The following ATF7IP2 variants were observed in gnomAD, a reference collection of about 807,000 sequenced individuals.
The protein encoded by ATF7IP2 is activating transcription factor 7-interacting protein 2.
Under a neutral mutation model 64.2 loss-of-function variants are expected in ATF7IP2, and 42 were observed. That is an observed-to-expected ratio of 0.65 (90% CI 0.51 to 0.85). The LOEUF (loss-of-function observed/expected upper bound fraction) is 0.85. Ranked by LOEUF, ATF7IP2 falls within the 40% of genes least tolerant of loss-of-function variation. The pLI is 0.00. For missense variants in ATF7IP2, 933 were observed against 784.2 expected (o/e 1.19, Z -2.27); for synonymous variants, 308 against 272.8 (o/e 1.13, Z -1.27).
At chr16:10,434,557 T>TA (rs147300964) in intron 6 of ATF7IP2, among the ~76,000 whole-genome samples, 4,051 of 152,126 alleles carry the variant, frequency 0.027, 74 homozygotes, top group Non-Finnish European at 0.044. Context: ...GGGAAAGAGT[T>TA]ACGCAGAACC....
chr16:10,475,456 C>T (rs1343971926), intron 12 of ATF7IP2, among the ~76,000 whole-genome samples: 1 of 152,020 alleles, frequency 6.6e-6, no homozygotes, highest in African/African-American at 2.4e-5. Flanking sequence ...CTTTGGGAGG[C>T]CGAGACGGGC....
intron 1 of ATF7IP2, among the ~76,000 whole-genome samples, chr16:10,413,176 G>C (rs182213948): frequency 1.3e-3 from 196 of 152,144 alleles, no homozygotes; most frequent in African/African-American, 4.5e-3. Context: ...TAATGATATG[G>C]TTTGGCTGTG....
chr16:10,428,688 G>A (rs951433346), intron 3 of ATF7IP2, among the ~76,000 whole-genome samples, 180 bp from the exon 4 acceptor site: 2 of 152,098 alleles, frequency 1.3e-5, no homozygotes, highest in African/African-American at 4.8e-5. Flanking sequence ...AAGCCAAAGT[G>A]CAAATTATGG....
chr16:10,452,627 A>G (rs1478146535), intron 8 of ATF7IP2, among the ~76,000 whole-genome samples: 2 of 152,330 alleles, frequency 1.3e-5, no homozygotes, highest in East Asian at 3.9e-4. Context: ...CAGAGCTCAA[A>G]TGCTGTGCTG....
intron 1 of ATF7IP2, among the ~76,000 whole-genome samples, chr16:10,403,251 G>A (rs1596444271): frequency 6.6e-6 from 1 of 152,142 alleles, no homozygotes; most frequent in Non-Finnish European, 1.5e-5. Flanking sequence ...GGAGTGTGAG[G>A]TGAGTTCTCA....
chr16:10,439,622 T>G (rs2048544157), intron 7 of ATF7IP2, among the ~76,000 whole-genome samples: 2 of 141,394 alleles, frequency 1.4e-5, no homozygotes, highest in Admixed American at 1.5e-4. Context: ...AACCTCTGCC[T>G]CCCAGGTTCA....
intron 4 of ATF7IP2, among the ~76,000 whole-genome samples, chr16:10,429,229 A>G (rs1442235510): frequency 1.3e-5 from 2 of 152,218 alleles, no homozygotes; most frequent in Non-Finnish European, 2.9e-5. Flanking sequence ...TGTATTCATG[A>G]AGAGACAATC....
intron 12 of ATF7IP2, among the ~76,000 whole-genome samples, chr16:10,478,720 C>G (rs1435641763): frequency 2.0e-5 from 3 of 152,076 alleles, no homozygotes; most frequent in South Asian, 2.1e-4. Flanking sequence ...AACAGGCAAC[C>G]TACAAAATGG....
chr16:10,448,746 A>G (rs1329607276), intron 8 of ATF7IP2: 2 of 152,164 alleles, frequency 1.3e-5, no homozygotes, highest in Admixed American at 6.5e-5. Context: ...ATTGCATGTT[A>G]TCTGCAAACA....
At chr16:10,424,819 C>T (rs1202599667) in intron 3 of ATF7IP2, among the ~76,000 whole-genome samples, 1 of 152,098 alleles carries the variant, frequency 6.6e-6, no homozygotes. Flanking sequence ...GATGACTATA[C>T]TAAGACAAAC....
intron 8 of ATF7IP2, among the ~76,000 whole-genome samples, chr16:10,452,327 T>C (rs2049011429): frequency 6.6e-6 from 1 of 152,224 alleles, no homozygotes; most frequent in African/African-American, 2.4e-5. Context: ...TTTTTGTTGA[T>C]GTTGATGCTA....
chr16:10,478,529 T>A (rs559943935), intron 12 of ATF7IP2, among the ~76,000 whole-genome samples: 1 of 152,242 alleles, frequency 6.6e-6, no homozygotes, highest in East Asian at 1.9e-4. Context: ...ACTTAAACGT[T>A]AGACCTAAAA....
chr16:10,389,332 T>G (rs555575604), intron 1 of ATF7IP2, among the ~76,000 whole-genome samples: 9 of 152,312 alleles, frequency 5.9e-5, no homozygotes, highest in Admixed American at 1.3e-4. Flanking sequence ...AAGAGACGTG[T>G]GAACTACAGA....
chr16:10,424,536 CA>C (rs2048046419), intron 3 of ATF7IP2, among the ~76,000 whole-genome samples: 1 of 152,116 alleles, frequency 6.6e-6, no homozygotes, highest in African/African-American at 2.4e-5. Context: ...AGCATACCAT[CA>C]AGGAATGGGA....
At chr16:10,388,738 C>T (rs1389658738) in intron 1 of ATF7IP2, among the ~76,000 whole-genome samples, 1 of 151,960 alleles carries the variant, frequency 6.6e-6, no homozygotes, top group East Asian at 1.9e-4. Flanking sequence ...AGGCCGGGCG[C>T]GGTGGCTCAC....
intron 9 of ATF7IP2, among the ~76,000 whole-genome samples, chr16:10,467,326 G>C (rs1475953602): frequency 6.6e-6 from 1 of 151,998 alleles, no homozygotes; most frequent in Admixed American, 6.6e-5. Flanking sequence ...CTCTCAAATA[G>C]CAATAATTTG....
intron 8 of ATF7IP2, among the ~76,000 whole-genome samples, chr16:10,456,080 A>G (rs190984958): frequency 5.3e-5 from 8 of 152,144 alleles, no homozygotes; most frequent in Non-Finnish European, 7.4e-5. Flanking sequence ...CCTGGGTTCA[A>G]TCAATTCTCG....
Position 10,467,743 on chromosome 16 carries a change from G to C in ATF7IP2, c.1353-4367G>C, listed in dbSNP as rs552225407. Among the ~76,000 whole-genome samples, 312 of 151,792 alleles carry C rather than the reference G, an allele frequency of 2.1e-3. 2 individuals carry two copies. Among genetic ancestry groups the C allele is most frequent in the African/African-American group, 7.3e-3 (302 of 41,394 alleles). ...ATGTTTTGTATTTTTAGCAGAGATGGGGTTTCACCATGTTATCCAGGCTGG... is the reference window on the plus strand; with the variant it reads ...ATGTTTTGTATTTTTAGCAGAGATGCGGTTTCACCATGTTATCCAGGCTGG... On this transcript the variant is annotated intron_variant, in intron 9 of 13. Transcript: ENST00000562102.
chr16:10,473,215 T>A (rs1311555636), intron 10 of ATF7IP2, among the ~76,000 whole-genome samples: 1 of 152,224 alleles, frequency 6.6e-6, no homozygotes, highest in Non-Finnish European at 1.5e-5. Flanking sequence ...TATTTTCTCA[T>A]GGAAATTTCT....
Sources: allele counts gnomAD v4.1 joint callset (sites outside exome capture counted in the v4.1 genomes callset), GRCh38; gene constraint gnomAD v4.1.1; transcripts MANE v1.5; gene names NCBI Gene and HGNC (gene_info 2026-07-23, HGNC 2026-07-21).